Variants in PCDH15 observed in about 807,000 individuals in gnomAD.
PCDH15 encodes protocadherin related 15.
PCDH15 carries 129 observed loss-of-function variants against 178.5 expected under a neutral mutation model. The observed-to-expected ratio is 0.72, with a 90% confidence interval of 0.63 to 0.84. The LOEUF (loss-of-function observed/expected upper bound fraction) is 0.84, where lower values mean the gene tolerates loss of function less well. Among genes scored for constraint, PCDH15 ranks in the 40% least tolerant of loss-of-function variants. The pLI is 0.00. For synonymous variants in PCDH15, 800 were observed against 732.0 expected, an observed-to-expected ratio of 1.09 and a Z score of -1.50; for missense variants, 2,230 against 2,099.9, an observed-to-expected ratio of 1.06 and a Z score of -1.21.
At chr10:54,346,595 C>T in intron 5 of PCDH15, 111 bp from the exon 6 acceptor site, 4 of 1,221,968 alleles carry the variant, frequency 3.3e-6, no homozygotes, top group Admixed American at 1.7e-5. Flanking sequence ...TACCAGTTGG[C>T]AGCCCACAAC....
intron 2 of PCDH15, among the ~76,000 whole-genome samples, chr10:55,557,966 C>G (rs1214308562): frequency 6.6e-6 from 1 of 152,092 alleles, no homozygotes; most frequent in African/African-American, 2.4e-5. Context: ...TATGAAGACT[C>G]TTTAATCTCG....
chr10:54,822,883 T>A (rs1277861648), intron 3 of PCDH15, among the ~76,000 whole-genome samples: 1 of 151,696 alleles, frequency 6.6e-6, no homozygotes, highest in East Asian at 1.9e-4. Flanking sequence ...TATAATATAT[T>A]TATTTATTTT....
At position 55,417,911 on chromosome 10, in the gene PCDH15, A is replaced by G. The variant is rs181556365; in HGVS notation, c.-156+209714T>C. Among the ~76,000 whole-genome samples the G allele has an allele frequency of 1.5e-4, 23 of 151,784 alleles. No individual in the cohort carries two copies. The East Asian group carries it at 4.5e-3, about 29-fold the overall frequency. On this transcript the variant is annotated intron_variant, in intron 2 of 5. Transcript: ENST00000613346. The stretch of plus-strand genomic sequence containing the variant: ...AAATAATTTTATGCTTAACCAGAAA[A>G]AAATGCAATTAGTATCTCAAGAAAA...
intron 2 of PCDH15, among the ~76,000 whole-genome samples, chr10:55,565,736 C>G (rs906366694): frequency 6.6e-6 from 1 of 151,604 alleles, no homozygotes; most frequent in East Asian, 1.9e-4. Context: ...AATCTAATTA[C>G]ATATGAAATG....
chr10:53,961,874 C>T lies in PCDH15; in HGVS notation c.2887G>A (p.Val963Met). 1.9e-6 allele frequency: 3 copies of T among 1,609,534 alleles called. No homozygotes were observed. Among genetic ancestry groups the T allele is most frequent in the Non-Finnish European group, 2.5e-6 (3 of 1,176,476 alleles). The change falls in exon 22 of 38, where the codon GTG becomes ATG. Residue 963 changes from valine (V) to methionine (M), a missense_variant. Coordinates refer to ENST00000644397, the MANE Select transcript of PCDH15 (RefSeq NM_001384140.1). Reference protein sequence around the residue: ...ADPPGLPASRVRYRVDDVQFP... With the variant: ...ADPPGLPASRMRYRVDDVQFP... ...TGTACATCATCTACTCTATACCTCA[C>T]ACGACTTGCAGGTAATCCCTAAAAT...
chr10:55,079,094 T>G (rs1036272550), intron 2 of PCDH15, among the ~76,000 whole-genome samples: 16 of 152,156 alleles, frequency 1.1e-4, no homozygotes, highest in Admixed American at 1.3e-4. Flanking sequence ...TATTCTGGGA[T>G]TTTGGGACTT....
intron 2 of PCDH15, chr10:54,654,911 G>T (rs897475277): frequency 6.6e-6 from 1 of 152,026 alleles, no homozygotes; most frequent in African/African-American, 2.4e-5. Flanking sequence ...TGTCTCAGCA[G>T]GACAAATAAG....
chr10:54,700,096 G>A (rs1258956245), intron 1 of PCDH15, among the ~76,000 whole-genome samples: 1 of 152,076 alleles, frequency 6.6e-6, no homozygotes. Context: ...CAGGCCTGGA[G>A]TACTAAACTA....
intron 13 of PCDH15, among the ~76,000 whole-genome samples, chr10:54,170,696 A>G (rs924522313): frequency 3.3e-5 from 5 of 151,216 alleles, no homozygotes; most frequent in African/African-American, 1.2e-4. Context: ...ATTTCCCCAA[A>G]TTTCCTTCTT....
At chr10:53,979,051 G>A (rs1459148363) in intron 21 of PCDH15, among the ~76,000 whole-genome samples, 1 of 152,120 alleles carries the variant, frequency 6.6e-6, no homozygotes, top group African/African-American at 2.4e-5. Context: ...CAGTTCCACA[G>A]TCACTTCCAC....
intron 2 of PCDH15, among the ~76,000 whole-genome samples, chr10:55,395,386 A>G (rs374360396): frequency 3.9e-5 from 6 of 152,074 alleles, no homozygotes; most frequent in Admixed American, 1.3e-4. Context: ...CAATTTTCTA[A>G]TATTTTGATT....
chr10:54,923,339 C>T (rs528883897), intron 2 of PCDH15, among the ~76,000 whole-genome samples: 1 of 138,858 alleles, frequency 7.2e-6, no homozygotes, highest in African/African-American at 2.5e-5. Context: ...GTCTCTGAAA[C>T]ACCATTGAAA....
intron 2 of PCDH15, among the ~76,000 whole-genome samples, chr10:55,603,538 T>G (rs1843136206): frequency 1.3e-5 from 2 of 151,910 alleles, no homozygotes; most frequent in Non-Finnish European, 2.9e-5. Flanking sequence ...AGACTAACAG[T>G]GAATCTCTCG....
chr10:53,961,768 G>A lies in PCDH15; in HGVS notation c.2993C>T (p.Pro998Leu), dbSNP rs762512143. Residue 998 changes from proline to leucine, a missense_variant, in exon 22 of 38, where the codon CCT (proline) becomes CTT (leucine). Transcript: ENST00000644397. ...GACACTGACCTTAAAAATTGTTGTA[G>A]GTTCTTCATTAAGATTGACTCGTGT... ...VITRVNLNEE[P>L]TTIFKLVVVA... 6.2e-7 allele frequency: 1 copy of A among 1,606,312 alleles called. No individual in the cohort carries two copies. The highest frequency in any genetic ancestry group is 8.5e-7 in the Non-Finnish European group (1 of 1,175,962).
chr10:55,602,184 G>A (rs4304667), intron 2 of PCDH15, among the ~76,000 whole-genome samples: 3 of 151,918 alleles, frequency 2.0e-5, no homozygotes, highest in Non-Finnish European at 2.9e-5. Flanking sequence ...TCCAACCGGC[G>A]TAAAAAACAG....
intron 7 of PCDH15, among the ~76,000 whole-genome samples, chr10:54,318,209 T>G (rs1578666): frequency 0.71 from 107,740 of 152,088 alleles, 38,920 homozygotes; most frequent in Middle Eastern, 0.81. Flanking sequence ...CTGTGGGAGG[T>G]TAGGAGCCTG....
intron 2 of PCDH15, among the ~76,000 whole-genome samples, chr10:55,422,866 A>G (rs1049583175): frequency 6.6e-6 from 1 of 151,926 alleles, no homozygotes; most frequent in African/African-American, 2.4e-5. Context: ...CAAAGGAAAT[A>G]AAACTAATGT....
chr10:54,471,497 TTC>T (rs2077916358), intron 3 of PCDH15, among the ~76,000 whole-genome samples: 1 of 152,154 alleles, frequency 6.6e-6, no homozygotes, highest in Non-Finnish European at 1.5e-5. Flanking sequence ...TTATATTAGT[TTC>T]TGTTTTATGT....
intron 3 of PCDH15, among the ~76,000 whole-genome samples, chr10:54,862,390 T>G (rs886988989): frequency 3.9e-5 from 6 of 152,244 alleles, no homozygotes; most frequent in African/African-American, 1.4e-4. Context: ...ATTAAAATTA[T>G]TTGTCAATAT....
Sources: allele counts gnomAD v4.1 joint callset (sites outside exome capture counted in the v4.1 genomes callset), GRCh38; gene constraint gnomAD v4.1.1; transcripts MANE v1.5; gene names NCBI Gene and HGNC (gene_info 2026-07-23, HGNC 2026-07-21).